The following DISP1 variants were observed in gnomAD, a reference collection of about 807,000 sequenced individuals.
The protein encoded by DISP1 is protein dispatched homolog 1.
In DISP1, 30 loss-of-function variants were observed where a neutral mutation model predicts 37.3. The ratio of observed to expected loss-of-function variants is 0.80; its 90% CI spans 0.60 to 1.09. The LOEUF is 1.09. Among genes scored for constraint, DISP1 ranks in the 50% least tolerant of loss-of-function variants. The probability of loss-of-function intolerance (pLI) is 0.00; values close to 1 mark genes in which losing one functional copy is unlikely to be tolerated. For synonymous variants in DISP1, 634 were observed against 690.2 expected, an observed-to-expected ratio of 0.92 and a Z score of 1.28; for missense variants, 1,598 against 1,879.5, an observed-to-expected ratio of 0.85 and a Z score of 2.77.
intron 1 of DISP1, among the ~76,000 whole-genome samples, chr1:222,923,028 G>C (rs1278619969): frequency 1.3e-5 from 2 of 152,150 alleles, no homozygotes; most frequent in Admixed American, 6.6e-5. Flanking sequence ...GGAAGTGAAG[G>C]AACGAGATGG....
intron 1 of DISP1, among the ~76,000 whole-genome samples, chr1:222,833,388 G>A (rs1208197654): frequency 6.6e-6 from 1 of 152,024 alleles, no homozygotes; most frequent in Non-Finnish European, 1.5e-5. Context: ...GGTATTTAGT[G>A]GTATTTAATA....
chr1:222,819,832 C>T (rs1002802768), intron 1 of DISP1, among the ~76,000 whole-genome samples: 9 of 151,968 alleles, frequency 5.9e-5, no homozygotes, highest in East Asian at 1.9e-4. Context: ...TGAGCCACTG[C>T]GCCGAGCTAA....
At chr1:222,943,981 G>C (rs1558346426) in intron 3 of DISP1, among the ~76,000 whole-genome samples, 2 of 151,206 alleles carry the variant, frequency 1.3e-5, no homozygotes, top group South Asian at 2.1e-4. Context: ...GGTGAGCCGA[G>C]ATCACACCAT....
At chr1:222,904,557 T>A (rs1287683781) in intron 1 of DISP1, among the ~76,000 whole-genome samples, 3 of 150,428 alleles carry the variant, frequency 2.0e-5, no homozygotes, top group Non-Finnish European at 3.0e-5. Flanking sequence ...GACTCTTTTT[T>A]TTTATTTTTT....
intron 1 of DISP1, among the ~76,000 whole-genome samples, chr1:222,875,696 G>T (rs1400964582): frequency 6.8e-6 from 1 of 146,202 alleles, no homozygotes; most frequent in East Asian, 2.0e-4. Flanking sequence ...ATGTGGTGGC[G>T]CATGCCTGTA....
Position 223,003,905 on chromosome 1 carries a change from C to A in DISP1, c.2508C>A (p.Asn836Lys), listed in dbSNP as rs1416273209. The change falls in exon 9 of 9, where the codon AAC becomes AAA. Residue 836 changes from asparagine (N) to lysine (K), a missense_variant. Transcript: ENST00000675850. This position sits in a 1 kb window ranked among gnomAD's most constrained non-coding sequence, Gnocchi z 4.3. ...WILHFCQKLR[N>K]QTFFYQTDEQ... Reference sequence around the variant, plus strand: ...TGCACTTCTGTCAAAAACTGAGAAACCAAACATTCTTTTACCAGACTGATG... The same window carrying A: ...TGCACTTCTGTCAAAAACTGAGAAAACAAACATTCTTTTACCAGACTGATG... 6 of 1,614,130 alleles carry A rather than the reference C, an allele frequency of 3.7e-6. No individual in the cohort carries two copies. In the South Asian group the frequency reaches 5.5e-5, roughly 15 times the overall value.
intron 1 of DISP1, among the ~76,000 whole-genome samples, chr1:222,896,602 GAGAAAAAAAAAAAA>G (rs1285575457): frequency 5.8e-5 from 8 of 137,188 alleles, no homozygotes; most frequent in Non-Finnish European, 9.5e-5. Flanking sequence ...CTCTATCTCA[GAGAAAAAAAAAAAA>G]AGGTAAAAAG....
At chr1:222,871,395 T>G (rs1252859558) in intron 1 of DISP1, among the ~76,000 whole-genome samples, 6 of 152,234 alleles carry the variant, frequency 3.9e-5, no homozygotes, top group Non-Finnish European at 7.3e-5. Flanking sequence ...ATGGCCATTT[T>G]CACGATATTG....
intron 3 of DISP1, among the ~76,000 whole-genome samples, chr1:222,949,318 C>T (rs912105150): frequency 2.6e-5 from 4 of 151,700 alleles, no homozygotes; most frequent in Admixed American, 1.3e-4. Flanking sequence ...TACTTGAATC[C>T]GAGAGGTGGA....
intron 2 of DISP1, among the ~76,000 whole-genome samples, chr1:222,934,466 G>T (rs2125463947): frequency 6.6e-6 from 1 of 152,128 alleles, no homozygotes; most frequent in East Asian, 1.9e-4. Flanking sequence ...ATTTCTGTTG[G>T]CATTTAGAGC....
At chr1:222,850,075 G>T (rs1306384720) in intron 1 of DISP1, among the ~76,000 whole-genome samples, 1 of 152,122 alleles carries the variant, frequency 6.6e-6, no homozygotes, top group Non-Finnish European at 1.5e-5. Flanking sequence ...TTCTTGAGCT[G>T]TAAAATGTAT....
chr1:222,876,353 T>C (rs951778885), intron 1 of DISP1, among the ~76,000 whole-genome samples: 7 of 152,072 alleles, frequency 4.6e-5, no homozygotes, highest in Admixed American at 4.6e-4. Flanking sequence ...TGAAGCAGAG[T>C]AGCAACACTT....
intron 3 of DISP1, among the ~76,000 whole-genome samples, chr1:222,970,869 T>C (rs953496698): frequency 3.3e-5 from 5 of 152,168 alleles, no homozygotes; most frequent in Non-Finnish European, 7.4e-5. Context: ...CCGTGACAAA[T>C]TGAATACAAT....
At chr1:222,849,589 A>C (rs34194482) in intron 1 of DISP1, among the ~76,000 whole-genome samples, 17,607 of 152,192 alleles carry the variant, frequency 0.12, 1,407 homozygotes, top group Non-Finnish European at 0.16. Context: ...AATCTGACAA[A>C]CATGTACCTT....
At chr1:222,889,093 C>A (rs938891517) in intron 1 of DISP1, among the ~76,000 whole-genome samples, 7 of 151,940 alleles carry the variant, frequency 4.6e-5, no homozygotes, top group African/African-American at 1.7e-4. Flanking sequence ...CCCTAAGATT[C>A]CAACTCTTTA....
intron 2 of DISP1, among the ~76,000 whole-genome samples, chr1:222,932,670 A>G (rs1390731985): frequency 2.6e-5 from 4 of 152,010 alleles, no homozygotes; most frequent in Non-Finnish European, 2.9e-5. Context: ...AGAGGAGCGC[A>G]AAGCTATGAG....
At chr1:222,911,026 T>C (rs1270163240) in intron 1 of DISP1, among the ~76,000 whole-genome samples, 10 of 152,210 alleles carry the variant, frequency 6.6e-5, no homozygotes, top group Non-Finnish European at 1.0e-4. Flanking sequence ...TAGCAATTTG[T>C]CTTCTCTAAA....
At chr1:222,957,127 C>T (rs1441671443) in intron 3 of DISP1, among the ~76,000 whole-genome samples, 1 of 122,254 alleles carries the variant, frequency 8.2e-6, no homozygotes, top group African/African-American at 3.2e-5. Context: ...TTGCTCTAAA[C>T]TATTTTCTTT....
intron 7 of DISP1, among the ~76,000 whole-genome samples, chr1:222,992,539 A>G (rs1032532846): frequency 2.0e-5 from 3 of 152,240 alleles, no homozygotes; most frequent in African/African-American, 7.2e-5. Context: ...TGAATCAGAA[A>G]ATGGCTTAAA....
Sources: gnomAD v4.1 joint callset for allele counts (sites outside exome capture counted in the v4.1 genomes callset) on GRCh38, gnomAD v4.1.1 for gene constraint, Gnocchi (gnomAD v3.1) non-coding constraint, MANE v1.5 for transcripts, NCBI Gene and HGNC (gene_info 2026-07-23, HGNC 2026-07-21) for gene names.